The following KALRN variants were observed in gnomAD, a reference collection of about 807,000 sequenced individuals.
KALRN encodes kalirin RhoGEF kinase.
KALRN carries 70 observed loss-of-function variants against 353.7 expected under a neutral mutation model. The ratio of observed to expected loss-of-function variants is 0.20; its 90% CI spans 0.16 to 0.24. The LOEUF (loss-of-function observed/expected upper bound fraction) is 0.24. Ranked by LOEUF, KALRN falls within the 10% of genes least tolerant of loss-of-function variation. The pLI, the probability that KALRN is intolerant of heterozygous loss-of-function variation, is 1.00. For missense variants in KALRN, 2,791 were observed against 3,756.7 expected (o/e 0.74, Z 6.72); for synonymous variants, 1,391 against 1,434.8 (o/e 0.97, Z 0.69).
At chr3:124,618,038 ACTAT>A (rs1453403020) in intron 34 of KALRN, among the ~76,000 whole-genome samples, 1 of 149,938 alleles carries the variant, frequency 6.7e-6, no homozygotes, top group Non-Finnish European at 1.5e-5. Context: ...GTAGATTTAA[ACTAT>A]CTGAGTGCCA....
intron 32 of KALRN, among the ~76,000 whole-genome samples, chr3:124,494,877 C>T (rs1262725271): frequency 6.6e-6 from 1 of 152,210 alleles, no homozygotes; most frequent in African/African-American, 2.4e-5. Flanking sequence ...GCCATTACTT[C>T]TCCACAAGCA....
At chr3:124,607,883 G>A (rs974775201) in intron 34 of KALRN, among the ~76,000 whole-genome samples, 1 of 152,182 alleles carries the variant, frequency 6.6e-6, no homozygotes, top group Non-Finnish European at 1.5e-5. Flanking sequence ...GGGATTACTG[G>A]TGTGAGCCAC....
At chr3:124,562,237 C>A (rs1577996388) in intron 33 of KALRN, among the ~76,000 whole-genome samples, 1 of 152,138 alleles carries the variant, frequency 6.6e-6, no homozygotes, top group Non-Finnish European at 1.5e-5. Context: ...TTTTGTAGTC[C>A]TCGTAGCCTC....
intron 1 of KALRN, among the ~76,000 whole-genome samples, chr3:124,060,207 C>G (rs552231584): frequency 3.9e-5 from 6 of 152,018 alleles, no homozygotes; most frequent in Admixed American, 2.6e-4. Flanking sequence ...GGTCTTGGTC[C>G]ACCAAACATA....
intron 1 of KALRN, chr3:124,082,152 T>A (rs919348451): frequency 4.8e-6 from 2 of 419,146 alleles, no homozygotes; most frequent in African/African-American, 4.2e-5. Flanking sequence ...TCAGGCTGCA[T>A]GGCTTCCCGG....
intron 34 of KALRN, among the ~76,000 whole-genome samples, chr3:124,628,078 C>T (rs745388279): frequency 2.5e-4 from 38 of 152,254 alleles, no homozygotes; most frequent in Non-Finnish European, 5.0e-4. Flanking sequence ...TGAGACCAGC[C>T]AGTTGTAGCC....
At chr3:124,331,483 A>C (rs2080549498) in intron 8 of KALRN, among the ~76,000 whole-genome samples, 1 of 152,224 alleles carries the variant, frequency 6.6e-6, no homozygotes, top group African/African-American at 2.4e-5. Flanking sequence ...AATAAAATGA[A>C]GGTAATGTAT....
At chr3:124,138,690 C>T (rs963923872) in intron 1 of KALRN, among the ~76,000 whole-genome samples, 2 of 152,154 alleles carry the variant, frequency 1.3e-5, no homozygotes, top group African/African-American at 4.8e-5. Flanking sequence ...GCCTTTTGGT[C>T]TTCATAGATC....
chr3:124,232,361 C>A (rs1294788837), intron 2 of KALRN, among the ~76,000 whole-genome samples: 1 of 152,212 alleles, frequency 6.6e-6, no homozygotes, highest in African/African-American at 2.4e-5. Flanking sequence ...TACCCTAAGC[C>A]TACCCTGACC....
At chr3:124,309,070 G>A (rs1309138686) in intron 6 of KALRN, among the ~76,000 whole-genome samples, 1 of 152,030 alleles carries the variant, frequency 6.6e-6, no homozygotes, top group Non-Finnish European at 1.5e-5. Context: ...TCATAGAAAG[G>A]TAGTAACAAC....
At chr3:124,519,308 T>C (rs1314501483) in intron 33 of KALRN, 29 of 981,690 alleles carry the variant, frequency 3.0e-5, no homozygotes, top group Non-Finnish European at 3.4e-5. Flanking sequence ...CTGTATTTGT[T>C]TGCAATTTTT....
chr3:124,143,473 A>G (rs755780235), intron 1 of KALRN, among the ~76,000 whole-genome samples: 21 of 152,126 alleles, frequency 1.4e-4, no homozygotes, highest in Non-Finnish European at 3.1e-4. Context: ...TGAAGTCACA[A>G]AGTCCTGGAT....
At chr3:124,306,479 C>T (rs907641464) in intron 6 of KALRN, among the ~76,000 whole-genome samples, 1 of 151,960 alleles carries the variant, frequency 6.6e-6, no homozygotes, top group Non-Finnish European at 1.5e-5. Flanking sequence ...ATGTACAGAG[C>T]TTCAGGAAAA....
chr3:124,662,450 G>A (rs2085013984), intron 45 of KALRN, among the ~76,000 whole-genome samples: 1 of 152,090 alleles, frequency 6.6e-6, no homozygotes, highest in African/African-American at 2.4e-5. Context: ...CTTTATGAGT[G>A]TTTAGACCTG....
At chr3:124,291,271 G>A (rs758719737) in intron 5 of KALRN, among the ~76,000 whole-genome samples, 2 of 152,230 alleles carry the variant, frequency 1.3e-5, no homozygotes, top group Non-Finnish European at 2.9e-5. Flanking sequence ...GAACATTGCA[G>A]TTATAAAAAT....
rs571102654 is a variant in KALRN, at chr3:124,494,786, C to T, written c.4833-1525C>T. Among the ~76,000 whole-genome samples the T allele has an allele frequency of 2.3e-4, 35 of 152,326 alleles. 1 individual carries two copies. The South Asian group carries it at 7.0e-3, about 31-fold the overall frequency. Reference sequence around the variant, plus strand: ...ATACACCAGAGTGCAATCATTTAGACCCTTTGAGGTGAATTCGTTATTTGT... The same window carrying T: ...ATACACCAGAGTGCAATCATTTAGATCCTTTGAGGTGAATTCGTTATTTGT... On this transcript the variant is annotated intron_variant, in intron 32 of 59. Transcript: ENST00000682506.
intron 1 of KALRN, among the ~76,000 whole-genome samples, chr3:124,083,237 C>T (rs139672679): frequency 7.9e-5 from 12 of 152,068 alleles, no homozygotes; most frequent in Non-Finnish European, 1.3e-4. Flanking sequence ...GTGTGCCAGG[C>T]GCTAGGGATA....
chr3:124,393,127 G>GGC (rs2089699955), intron 11 of KALRN, among the ~76,000 whole-genome samples: 2 of 152,042 alleles, frequency 1.3e-5, no homozygotes, highest in Admixed American at 1.3e-4. Flanking sequence ...CACCATGCCT[G>GGC]GCTAATTTTT....
intron 4 of KALRN, 189 bp from the exon 5 acceptor site, chr3:124,268,554 T>G (rs2073829129): frequency 1.6e-6 from 1 of 613,860 alleles, no homozygotes. Flanking sequence ...GTCAGCAGTC[T>G]GTAGAAACTG....
Sources: gnomAD v4.1 joint callset for allele counts (sites outside exome capture counted in the v4.1 genomes callset) on GRCh38, gnomAD v4.1.1 for gene constraint, MANE v1.5 for transcripts, NCBI Gene and HGNC (gene_info 2026-07-23, HGNC 2026-07-21) for gene names.